Variants in PHACTR1 observed in about 807,000 individuals in gnomAD.
PHACTR1 encodes phosphatase and actin regulator 1, also known as RPEL repeat containing 1.
PHACTR1 carries 16 observed loss-of-function variants against 69.2 expected under a neutral mutation model. That is an observed-to-expected ratio of 0.23 (90% CI 0.16 to 0.35). The LOEUF (loss-of-function observed/expected upper bound fraction) is 0.35. PHACTR1 is among the 10% of genes least tolerant of loss of function. The probability of loss-of-function intolerance (pLI) is 1.00; values close to 1 mark genes in which losing one functional copy is unlikely to be tolerated. For missense variants in PHACTR1, 510 were observed against 734.7 expected, an observed-to-expected ratio of 0.69 and a Z score of 3.54; for synonymous variants, 312 against 284.5, an observed-to-expected ratio of 1.10 and a Z score of -0.97.
At chr6:12,775,050 C>G (rs1733809541) in intron 4 of PHACTR1, among the ~76,000 whole-genome samples, 1 of 152,102 alleles carries the variant, frequency 6.6e-6, no homozygotes, top group Admixed American at 6.5e-5. Context: ...CTCTCAGGGC[C>G]TCACTAGCTG....
chr6:12,910,810 C>G (rs1226598176), intron 4 of PHACTR1, among the ~76,000 whole-genome samples: 5 of 152,186 alleles, frequency 3.3e-5, no homozygotes, highest in African/African-American at 7.2e-5. Context: ...AAGCCTGGAT[C>G]TGAATCAGAT....
At chr6:12,873,739 T>C (rs776300789) in intron 4 of PHACTR1, among the ~76,000 whole-genome samples, 6 of 152,182 alleles carry the variant, frequency 3.9e-5, no homozygotes, top group Non-Finnish European at 8.8e-5. Context: ...AAAAAGTAGA[T>C]GTACAAAGGC....
chr6:12,887,096 A>G (rs1257840247), intron 4 of PHACTR1, among the ~76,000 whole-genome samples: 2 of 151,878 alleles, frequency 1.3e-5, no homozygotes, highest in Admixed American at 6.5e-5. Context: ...CCAGCCAGCC[A>G]TGTGCTGTTC....
chr6:12,930,370 A>G (rs1193947176), intron 4 of PHACTR1, among the ~76,000 whole-genome samples: 1 of 152,160 alleles, frequency 6.6e-6, no homozygotes, highest in African/African-American at 2.4e-5. Flanking sequence ...GTGTGTGGAG[A>G]ACCTCTTTGG....
intron 4 of PHACTR1, among the ~76,000 whole-genome samples, chr6:12,979,387 G>A (rs1304528913): frequency 6.6e-6 from 1 of 152,200 alleles, no homozygotes; most frequent in South Asian, 2.1e-4. Context: ...AAGTCAGCCA[G>A]CAGATCCTAC....
intron 4 of PHACTR1, among the ~76,000 whole-genome samples, chr6:12,815,001 C>T (rs1241100854): frequency 6.6e-6 from 1 of 152,106 alleles, no homozygotes; most frequent in African/African-American, 2.4e-5. Flanking sequence ...TGTGTTTATC[C>T]ATCATGGTGC....
intron 4 of PHACTR1, among the ~76,000 whole-genome samples, chr6:12,950,485 A>G (rs1791157158): frequency 1.3e-5 from 2 of 152,216 alleles, no homozygotes; most frequent in South Asian, 2.1e-4. Context: ...ACCACATAGG[A>G]TTGGAGATAT....
intron 4 of PHACTR1, among the ~76,000 whole-genome samples, chr6:12,889,814 T>TTA (rs758451929): frequency 7.2e-6 from 1 of 139,314 alleles, no homozygotes; most frequent in Non-Finnish European, 1.6e-5. Flanking sequence ...TTTTTTTTTT[T>TTA]AAACGACTCC....
At position 12,865,668 on chromosome 6, in the gene PHACTR1, T is replaced by G. The variant is rs1781386004; in HGVS notation, c.250+115878T>G. On this transcript the variant is annotated intron_variant, in intron 4 of 14. Transcript: ENST00000332995. ...GTCATCCTCTGCTTATTAGAACCAT[T>G]CAAATATAATAGTTTGCAAAGCTGT... is the stretch of plus-strand genomic sequence containing the variant. Among the ~76,000 whole-genome samples the G allele has an allele frequency of 2.0e-5, 3 of 152,286 alleles. No homozygotes were observed. The South Asian group carries it at 6.2e-4, about 32-fold the overall frequency.
intron 5 of PHACTR1, among the ~76,000 whole-genome samples, chr6:13,102,077 G>T (rs1217365881): frequency 6.6e-6 from 1 of 152,144 alleles, no homozygotes; most frequent in Non-Finnish European, 1.5e-5. Context: ...CAAAATTTGG[G>T]TAACTTAAAA....
intron 3 of PHACTR1, among the ~76,000 whole-genome samples, chr6:12,731,174 C>T (rs955294820): frequency 6.6e-6 from 1 of 151,934 alleles, no homozygotes; most frequent in African/African-American, 2.4e-5. Context: ...CGCCACCATG[C>T]CTGGCTAATT....
At chr6:13,083,264 G>A (rs1407449018) in intron 5 of PHACTR1, among the ~76,000 whole-genome samples, 2 of 151,830 alleles carry the variant, frequency 1.3e-5, no homozygotes, top group African/African-American at 4.8e-5. Flanking sequence ...TAGATATGCG[G>A]CATTATTTCT....
At chr6:13,009,288 C>A (rs1016954660) in intron 4 of PHACTR1, among the ~76,000 whole-genome samples, 5 of 152,090 alleles carry the variant, frequency 3.3e-5, no homozygotes, top group Non-Finnish European at 5.9e-5. Flanking sequence ...CACCATTCAA[C>A]CCACTGCAGG....
At chr6:13,094,552 C>T (rs1813842608) in intron 5 of PHACTR1, among the ~76,000 whole-genome samples, 1 of 152,064 alleles carries the variant, frequency 6.6e-6, no homozygotes, top group African/African-American at 2.4e-5. Flanking sequence ...CTGCCTCGGC[C>T]TCCCAAAGTG....
At chr6:13,266,314 T>C (rs181447916) in intron 10 of PHACTR1, among the ~76,000 whole-genome samples, 1 of 152,212 alleles carries the variant, frequency 6.6e-6, no homozygotes, top group Non-Finnish European at 1.5e-5. Flanking sequence ...AAGCCTCTGC[T>C]CGGGTTTCCT....
At chr6:13,049,109 T>TA (rs1245816847) in intron 4 of PHACTR1, among the ~76,000 whole-genome samples, 1 of 152,252 alleles carries the variant, frequency 6.6e-6, no homozygotes, top group Non-Finnish European at 1.5e-5. Flanking sequence ...ACCTTTATAA[T>TA]ACCCTGTGTT....
chr6:13,110,394 A>C (rs1268162073), intron 5 of PHACTR1, among the ~76,000 whole-genome samples: 1 of 152,198 alleles, frequency 6.6e-6, no homozygotes, highest in African/African-American at 2.4e-5. Context: ...ACAATGCTGC[A>C]GGTGTTCACT....
chr6:13,131,109 C>G (rs1057395948), intron 5 of PHACTR1, among the ~76,000 whole-genome samples: 16 of 151,204 alleles, frequency 1.1e-4, no homozygotes, highest in African/African-American at 3.9e-4. Flanking sequence ...TTCCAGCATC[C>G]CTTTATGATC....
At chr6:12,954,777 T>C (rs1791681168) in intron 4 of PHACTR1, among the ~76,000 whole-genome samples, 1 of 152,254 alleles carries the variant, frequency 6.6e-6, no homozygotes. Context: ...ACCACTTGAA[T>C]TATGCCATAG....
Sources: allele counts gnomAD v4.1 joint callset (sites outside exome capture counted in the v4.1 genomes callset), GRCh38; gene constraint gnomAD v4.1.1; transcripts MANE v1.5; gene names NCBI Gene and HGNC (gene_info 2026-07-23, HGNC 2026-07-21).